DDC: variants seen among roughly 807,000 people sequenced by gnomAD.
DDC encodes aromatic-L-amino-acid decarboxylase.
DDC carries 43 observed loss-of-function variants against 60.0 expected under a neutral mutation model. The ratio of observed to expected loss-of-function variants is 0.72; its 90% CI spans 0.56 to 0.92. The LOEUF (loss-of-function observed/expected upper bound fraction) is 0.92, where lower values mean the gene tolerates loss of function less well. Ranked by LOEUF, DDC falls within the 40% of genes least tolerant of loss-of-function variation. DDC has a pLI of 0.00. For synonymous variants in DDC, 232 were observed against 234.6 expected (o/e 0.99, Z 0.10); for missense variants, 573 against 620.2 (o/e 0.92, Z 0.81).
chr7:50,471,674 C>G (rs764616031), intron 11 of DDC, among the ~76,000 whole-genome samples: 2 of 152,216 alleles, frequency 1.3e-5, no homozygotes, highest in Non-Finnish European at 2.9e-5. Flanking sequence ...TGGAGAGTGA[C>G]TTGCCCAATG....
intron 10 of DDC, among the ~76,000 whole-genome samples, chr7:50,477,890 T>C (rs1198466967): frequency 2.0e-4 from 30 of 152,114 alleles, no homozygotes; most frequent in Admixed American, 2.0e-3. Flanking sequence ...ACAGAGTGCA[T>C]GCAGAAAGCA....
In DDC at chr7:50,459,872, G is replaced by A. The variant is rs866958433; in HGVS notation, c.*19-1029C>T. On this transcript the variant is annotated intron_variant, in intron 14 of 14. Coordinates refer to ENST00000444124, the MANE Select transcript of DDC (RefSeq NM_001082971.2). ...CGGCCCGGCCAGCCGCCCCGTCCGG[G>A]AGGGAGGTGGGGGGGTCAGCCCCCC... Among the ~76,000 whole-genome samples, 141 of 143,416 alleles carry A rather than the reference G, an allele frequency of 9.8e-4. 1 individual carries two copies. The highest frequency in any genetic ancestry group is 3.7e-3 in the Middle Eastern group (1 of 268). The allele number at this position is 143,416 out of a possible 152,430, so 94.1% of individuals were successfully genotyped here.
intron 6 of DDC, 41 bp from the exon 7 acceptor site, chr7:50,504,100 C>A: frequency 7.0e-7 from 1 of 1,429,396 alleles, no homozygotes. Context: ...TCCCCAGGTG[C>A]CAGTCACCGC....
Position 50,479,824 on chromosome 7 carries a change from C to G in DDC, c.984G>C (p.Leu328=). 2 of 1,613,758 alleles carry G rather than the reference C, an allele frequency of 1.2e-6. No homozygotes were observed. Among genetic ancestry groups the G allele is most frequent in the African/African-American group, 2.7e-5 (2 of 74,984 alleles). Residue 328 remains leucine, a synonymous_variant, in exon 10 of 15, where the codon CTG becomes CTC. Coordinates refer to ENST00000444124, the MANE Select transcript of DDC (RefSeq NM_001082971.2). ...KRTDLTGAFR[L]DPTYLKHSHQ... is the part of the protein sequence containing the mutation. Reference sequence around the variant, plus strand: ...GGCTGTGCTTCAGGTAAGTGGGGTCCAGTCTAAAGGCTCCCGTTAAGTCTG... The same window carrying G: ...GGCTGTGCTTCAGGTAAGTGGGGTCGAGTCTAAAGGCTCCCGTTAAGTCTG...
chr7:50,463,663 A>G (rs2042334486), intron 13 of DDC, among the ~76,000 whole-genome samples: 1 of 152,226 alleles, frequency 6.6e-6, no homozygotes, highest in Non-Finnish European at 1.5e-5. Flanking sequence ...CTGATGTGCC[A>G]TCAAAAGATG....
intron 6 of DDC, among the ~76,000 whole-genome samples, chr7:50,508,939 C>A (rs1017181888): frequency 6.6e-6 from 1 of 152,160 alleles, no homozygotes; most frequent in African/African-American, 2.4e-5. Flanking sequence ...TTCCCTCCAA[C>A]AAGAAAGGCA....
At chr7:50,499,384 G>A in intron 7 of DDC, 142 bp from the exon 8 acceptor site, 1 of 698,710 alleles carries the variant, frequency 1.4e-6, no homozygotes, top group South Asian at 1.5e-5. Context: ...TCCCCAAAAG[G>A]CCCCCTCATT....
intron 9 of DDC, among the ~76,000 whole-genome samples, chr7:50,495,118 T>C (rs1415771262): frequency 2.0e-5 from 3 of 152,212 alleles, no homozygotes; most frequent in Admixed American, 6.5e-5. Context: ...AAATAAAAAA[T>C]TGTCCTTTTT....
At chr7:50,465,718 CTG>C (rs1235365705) in intron 13 of DDC, among the ~76,000 whole-genome samples, 3 of 152,154 alleles carry the variant, frequency 2.0e-5, no homozygotes, top group African/African-American at 7.2e-5. Flanking sequence ...CTCAATAGAA[CTG>C]TTAAAAAAAT....
chr7:50,459,936 G>A (rs2042224034), intron 14 of DDC, among the ~76,000 whole-genome samples: 2 of 141,390 alleles, frequency 1.4e-5, no homozygotes, highest in South Asian at 2.2e-4. Context: ...AGGTGGGGGG[G>A]TCAGCCCCCT....
At chr7:50,461,489 A>G (rs924425966) in intron 14 of DDC, among the ~76,000 whole-genome samples, 3 of 152,250 alleles carry the variant, frequency 2.0e-5, no homozygotes, top group Non-Finnish European at 4.4e-5. Flanking sequence ...TACAGCAAAT[A>G]TAATGACTCC....
At chr7:50,554,140 CT>C (rs1199094461) in intron 1 of DDC, among the ~76,000 whole-genome samples, 1 of 152,162 alleles carries the variant, frequency 6.6e-6, no homozygotes, top group East Asian at 1.9e-4. Flanking sequence ...ACTCTGTTAC[CT>C]TTAACCTCCA....
intron 9 of DDC, among the ~76,000 whole-genome samples, chr7:50,482,362 T>A (rs2042788570): frequency 6.6e-6 from 1 of 152,262 alleles, no homozygotes; most frequent in South Asian, 2.1e-4. Context: ...AATTTTTTGT[T>A]CATTTTTCTG....
chr7:50,484,004 C>G (rs1165595782), intron 9 of DDC, among the ~76,000 whole-genome samples: 3 of 151,510 alleles, frequency 2.0e-5, no homozygotes, highest in Admixed American at 6.6e-5. Context: ...TTTCTATTTA[C>G]TCTTGAGTCA....
intron 9 of DDC, among the ~76,000 whole-genome samples, chr7:50,494,938 C>T (rs916939804): frequency 1.3e-5 from 2 of 152,180 alleles, no homozygotes; most frequent in Admixed American, 6.5e-5. Context: ...GCTGGGATTA[C>T]AGGTGTGAGC....
intron 8 of DDC, among the ~76,000 whole-genome samples, chr7:50,497,535 A>G (rs1379610663): frequency 6.6e-6 from 1 of 152,218 alleles, no homozygotes; most frequent in Non-Finnish European, 1.5e-5. Context: ...GTCCCAGGAC[A>G]GATGTTTCAA....
Position 50,565,390 on chromosome 7 carries a change from G to C in DDC, c.-134C>G, listed in dbSNP as rs1213767633. 1.3e-5 allele frequency: 2 copies of C among 152,194 alleles called. No individual in the cohort carries two copies. Among genetic ancestry groups the C allele is most frequent in the African/African-American group, 4.8e-5 (2 of 41,444 alleles). The allele number at this position is 152,194 out of a possible 1,614,324, so 9.4% of individuals were successfully genotyped here. On this transcript the variant is annotated 5_prime_UTR_variant, in exon 1 of 15. Transcript: ENST00000444124. ...AAGCTGCTGAGGCACTCGGCACTGA[G>C]ACAGTCACTCTTCTTGAAACTCCAA...
At chr7:50,501,752 C>T (rs537745034) in intron 7 of DDC, among the ~76,000 whole-genome samples, 1 of 152,236 alleles carries the variant, frequency 6.6e-6, no homozygotes, top group South Asian at 2.1e-4. Flanking sequence ...GTACCACCAA[C>T]AGTTAGTAAT....
At chr7:50,484,955 C>A (rs1042029393) in intron 9 of DDC, among the ~76,000 whole-genome samples, 2 of 152,098 alleles carry the variant, frequency 1.3e-5, no homozygotes, top group African/African-American at 4.8e-5. Flanking sequence ...TGCAAAGAAT[C>A]CAAATAGATA....
Sources: allele counts gnomAD v4.1 joint callset (sites outside exome capture counted in the v4.1 genomes callset), GRCh38; gene constraint gnomAD v4.1.1; transcripts MANE v1.5; gene names NCBI Gene and HGNC (gene_info 2026-07-23, HGNC 2026-07-21).